PHLDB2: variants seen among roughly 807,000 people sequenced by gnomAD.
PHLDB2 encodes the protein pleckstrin homology-like domain family B member 2.
In PHLDB2, 71 loss-of-function variants were observed where a neutral mutation model predicts 123.6. The ratio of observed to expected loss-of-function variants is 0.57; its 90% CI spans 0.47 to 0.70. The LOEUF (loss-of-function observed/expected upper bound fraction) is 0.70. Among genes scored for constraint, PHLDB2 ranks in the 30% least tolerant of loss-of-function variants. The pLI is 0.00. For synonymous variants in PHLDB2, 547 were observed against 541.6 expected (o/e 1.01, Z -0.14); for missense variants, 1,446 against 1,519.5 (o/e 0.95, Z 0.80).
chr3:111,780,658 G>A (rs2060441530), intron 1 of PHLDB2, among the ~76,000 whole-genome samples: 1 of 151,950 alleles, frequency 6.6e-6, no homozygotes, highest in Non-Finnish European at 1.5e-5. Flanking sequence ...TATGCTAATA[G>A]AAAAGCACAT....
intron 1 of PHLDB2, among the ~76,000 whole-genome samples, chr3:111,777,704 G>A (rs1233044787): frequency 6.9e-6 from 1 of 145,578 alleles, no homozygotes; most frequent in African/African-American, 2.6e-5. Context: ...GCAACTTGTT[G>A]TTTGATGCCA....
At chr3:111,896,494 C>G (rs1360471551) in intron 2 of PHLDB2, among the ~76,000 whole-genome samples, 2 of 151,968 alleles carry the variant, frequency 1.3e-5, no homozygotes, top group Non-Finnish European at 2.9e-5. Context: ...TTACAGGCAG[C>G]TGCCACCATA....
In PHLDB2 at chr3:111,738,022, C is replaced by T. The variant is rs868163425; in HGVS notation, c.-49+5319C>T. On this transcript the variant is annotated intron_variant, in intron 1 of 17. Transcript: ENST00000393923. ...GTGAATTGGCAGGTGGCAGGCTTCT[C>T]TCTGTGACCCAAGGAAAGCCAATAC... Among the ~76,000 whole-genome samples the T allele has an allele frequency of 2.0e-5, 3 of 152,272 alleles. No individual in the cohort carries two copies. The South Asian group carries it at 6.2e-4, about 32-fold the overall frequency.
chr3:111,829,469 GTTT>G (rs66666432), intron 1 of PHLDB2, among the ~76,000 whole-genome samples: 3 of 83,408 alleles, frequency 3.6e-5, no homozygotes, highest in Middle Eastern at 5.6e-3. Flanking sequence ...TTTTTTTTTG[GTTT>G]TTTTTTTTTT....
chr3:111,827,175 A>T (rs2062695526), intron 1 of PHLDB2, among the ~76,000 whole-genome samples: 1 of 152,190 alleles, frequency 6.6e-6, no homozygotes, highest in Admixed American at 6.5e-5. Context: ...CAACCTATCA[A>T]ACTGACTTAT....
At chr3:111,827,704 A>G (rs1314512196) in intron 1 of PHLDB2, among the ~76,000 whole-genome samples, 8 of 143,300 alleles carry the variant, frequency 5.6e-5, no homozygotes, top group African/African-American at 2.2e-4. Context: ...AAAAAAAAAA[A>G]AAAAAAGGAA....
intron 1 of PHLDB2, among the ~76,000 whole-genome samples, chr3:111,733,359 T>G (rs1222987979): frequency 6.6e-6 from 1 of 152,238 alleles, no homozygotes; most frequent in Non-Finnish European, 1.5e-5. Context: ...AAGCCTTTGC[T>G]GGCCTGAGTC....
chr3:111,849,334 A>T (rs1365372379), intron 2 of PHLDB2, among the ~76,000 whole-genome samples: 1 of 136,846 alleles, frequency 7.3e-6, no homozygotes, highest in African/African-American at 2.5e-5. Context: ...CCATGCCTGG[A>T]TAATTGAAAA....
intron 8 of PHLDB2, among the ~76,000 whole-genome samples, chr3:111,943,595 A>C (rs1482615109): frequency 6.6e-6 from 1 of 152,204 alleles, no homozygotes; most frequent in East Asian, 1.9e-4. Flanking sequence ...GTCTTGAATA[A>C]AGATTTTACC....
At chr3:111,949,701 G>A in intron 10 of PHLDB2, 1 of 984,104 alleles carries the variant, frequency 1.0e-6, no homozygotes, top group Non-Finnish European at 1.2e-6. Flanking sequence ...CTCCTATAAA[G>A]CAAAGATCAC....
chr3:111,893,072 T>C (rs1305286258), intron 2 of PHLDB2, among the ~76,000 whole-genome samples: 2 of 139,370 alleles, frequency 1.4e-5, no homozygotes, highest in Non-Finnish European at 3.1e-5. Context: ...TTGCTGTCTC[T>C]ATTTCCTAGT....
intron 1 of PHLDB2, among the ~76,000 whole-genome samples, chr3:111,746,521 G>A (rs2059684504): frequency 6.6e-6 from 1 of 152,180 alleles, no homozygotes; most frequent in African/African-American, 2.4e-5. Context: ...CCAGTACTTT[G>A]GGAGGCCAAG....
intron 1 of PHLDB2, among the ~76,000 whole-genome samples, chr3:111,733,196 G>A (rs11711582): frequency 0.38 from 57,790 of 152,008 alleles, 13,254 homozygotes; most frequent in Middle Eastern, 0.55. Context: ...AGGAAGTCAC[G>A]TATATTTTTC....
intron 1 of PHLDB2, among the ~76,000 whole-genome samples, chr3:111,784,614 A>G (rs918949029): frequency 6.6e-6 from 1 of 152,218 alleles, no homozygotes; most frequent in Non-Finnish European, 1.5e-5. Context: ...TTTGTTCAGT[A>G]TAATCCAACC....
rs574918414 is a variant in PHLDB2, at chr3:111,919,961, T to C, written c.1864-321T>C. Among the ~76,000 whole-genome samples, 10 of 151,918 alleles carry C rather than the reference T, an allele frequency of 6.6e-5. No individual in the cohort carries two copies. The East Asian group carries it at 1.9e-3, about 29-fold the overall frequency. ...TAGGGACAAAGAAAGACGTGGCTGCTCCCATGGTGGTTTGTGCTTGATCTT... is the reference window on the plus strand; with the variant it reads ...TAGGGACAAAGAAAGACGTGGCTGCCCCCATGGTGGTTTGTGCTTGATCTT... On this transcript the variant is annotated intron_variant, in intron 4 of 17. Transcript: ENST00000431670.
chr3:111,854,298 G>A (rs540879094), upstream of PHLDB2, among the ~76,000 whole-genome samples: 87 of 152,324 alleles, frequency 5.7e-4, no homozygotes, highest in African/African-American at 2.0e-3. Flanking sequence ...AATTCCAGGT[G>A]AGATTTGGTT....
At chr3:111,846,096 C>A in intron 2 of PHLDB2, 1 of 679,846 alleles carries the variant, frequency 1.5e-6, no homozygotes, top group Non-Finnish European at 2.5e-6. Context: ...GAACTTTGGT[C>A]ACCTGCTTGT....
chr3:111,972,578 T>A (rs1321909749), intron 16 of PHLDB2, among the ~76,000 whole-genome samples: 1 of 152,122 alleles, frequency 6.6e-6, no homozygotes, highest in Non-Finnish European at 1.5e-5. Flanking sequence ...CACTTCTATA[T>A]ATGTTTCAGT....
rs139622253 is a variant in PHLDB2, at chr3:111,880,847, A to C, written c.-14-3217A>C. Among the ~76,000 whole-genome samples, 367 of 152,272 alleles carry C rather than the reference A, an allele frequency of 2.4e-3. 7 individuals carry two copies. The highest frequency in any genetic ancestry group is 0.022 in the Admixed American group (340 of 15,286). On this transcript the variant is annotated intron_variant, in intron 1 of 17. Transcript: ENST00000431670. ...GAATTTATATGGTGTCTGGGAACTT[A>C]TCTGCTGCCTCTTGGTTAGCAGAAG...
Sources: allele counts gnomAD v4.1 joint callset (sites outside exome capture counted in the v4.1 genomes callset), GRCh38; gene constraint gnomAD v4.1.1; transcripts MANE v1.5; gene names NCBI Gene and HGNC (gene_info 2026-07-23, HGNC 2026-07-21).